PITRM1: variants seen among roughly 807,000 people sequenced by gnomAD.
PITRM1 encodes the protein pitrilysin metallopeptidase 1.
In PITRM1, 100 loss-of-function variants were observed where a neutral mutation model predicts 129.9. That is an observed-to-expected ratio of 0.77 (90% CI 0.65 to 0.91). The LOEUF is 0.91. Among genes scored for constraint, PITRM1 ranks in the 40% least tolerant of loss-of-function variants. PITRM1 has a pLI of 0.00. For synonymous variants in PITRM1, 591 were observed against 508.8 expected (o/e 1.16, Z -2.17); for missense variants, 1,471 against 1,318.3 (o/e 1.12, Z -1.79).
At chr10:3,142,676 G>C (rs1203835349) in intron 23 of PITRM1, among the ~76,000 whole-genome samples, 3 of 152,206 alleles carry the variant, frequency 2.0e-5, no homozygotes, top group Non-Finnish European at 4.4e-5. Flanking sequence ...ACGCCACTTT[G>C]GGAACAGGCC....
chr10:3,154,359 G>C (rs1841789188), intron 14 of PITRM1, among the ~76,000 whole-genome samples: 1 of 152,160 alleles, frequency 6.6e-6, no homozygotes, highest in African/African-American at 2.4e-5. Flanking sequence ...ATGTTGGCTG[G>C]CACTGTGAGA....
intron 2 of PITRM1, among the ~76,000 whole-genome samples, chr10:3,169,710 CTG>C (rs1843180432): frequency 6.6e-6 from 1 of 152,200 alleles, no homozygotes. Context: ...GCTCAGAAAA[CTG>C]AAAGGTTCTG....
chr10:3,169,023 C>G (rs1433742798), intron 2 of PITRM1, among the ~76,000 whole-genome samples: 2 of 152,054 alleles, frequency 1.3e-5, no homozygotes, highest in Non-Finnish European at 2.9e-5. Flanking sequence ...ATCGCTTGAG[C>G]CCAGGAGTTC....
At chr10:3,166,471 A>G in intron 3 of PITRM1, 91 bp from the exon 4 acceptor site, 1 of 663,146 alleles carries the variant, frequency 1.5e-6, no homozygotes, top group Non-Finnish European at 2.4e-6. Flanking sequence ...GCTACTAGAA[A>G]TCATCATTCT....
At chr10:3,142,582 T>C (rs949330975) in intron 23 of PITRM1, among the ~76,000 whole-genome samples, 2 of 152,228 alleles carry the variant, frequency 1.3e-5, no homozygotes, top group Non-Finnish European at 2.9e-5. Context: ...TTTCCCCAGA[T>C]GGGATGAACA....
In PITRM1 at chr10:3,141,902, G is replaced by A. The variant is rs904124966; in HGVS notation, c.2646-1090C>T. ...TGGGGCGCCGTCAGCCGGGACTAGC[G>A]AGGCTGGAGTCAGACCCTGGGGGAC... On this transcript the variant is annotated intron_variant, in intron 23 of 26. Coordinates refer to ENST00000224949, the MANE Select transcript of PITRM1 (RefSeq NM_014889.4). 12 of 221,774 alleles carry A rather than the reference G, an allele frequency of 5.4e-5. No homozygotes were observed. In the East Asian group the frequency reaches 9.2e-4, roughly 17 times the overall value. 13.7% of individuals were successfully genotyped at this position (221,774 alleles called of 1,614,324 possible).
intron 21 of PITRM1, 84 bp downstream of exon 21, chr10:3,145,512 G>T: frequency 8.4e-7 from 1 of 1,195,212 alleles, no homozygotes; most frequent in Non-Finnish European, 1.2e-6. Flanking sequence ...ACTGCTCTGA[G>T]AATTGAGTTA....
chr10:3,141,712 C>G (rs572834490), intron 23 of PITRM1: 27 of 466,666 alleles, frequency 5.8e-5, no homozygotes, highest in Middle Eastern at 3.2e-4. Context: ...AGCCCCAGGT[C>G]GCCGCTTCCA....
rs1459598388 is a variant in PITRM1, at chr10:3,166,917, C to G, written c.266+19G>C. On this transcript the variant is annotated intron_variant, in intron 3 of 26. Coordinates refer to ENST00000224949, the MANE Select transcript of PITRM1 (RefSeq NM_014889.4). ...AAATAAAAACATTCAAGACCATGTT[C>G]TTACAATGCACCACACACCTGAACA... 1.4e-6 allele frequency: 2 copies of G among 1,410,948 alleles called. No homozygotes were observed. The highest frequency in any genetic ancestry group is 1.4e-5 in the African/African-American group (1 of 70,542). 87.4% of individuals were successfully genotyped at this position (1,410,948 alleles called of 1,614,324 possible).
intron 7 of PITRM1, among the ~76,000 whole-genome samples, chr10:3,162,891 C>G (rs1842565515): frequency 6.6e-6 from 1 of 152,012 alleles, no homozygotes; most frequent in African/African-American, 2.4e-5. Flanking sequence ...TTGGGGCCAA[C>G]TAGAAAATCT....
At chr10:3,155,768 CA>C (rs1841926952) in intron 13 of PITRM1, 39 bp from the exon 14 acceptor site, 2 of 1,609,210 alleles carry the variant, frequency 1.2e-6, no homozygotes, top group East Asian at 4.5e-5. Context: ...CAAGTGAAAA[CA>C]AGATCTTACT....
chr10:3,169,128 GA>G lies in PITRM1; in HGVS notation c.159+975del, dbSNP rs562252310. Among the ~76,000 whole-genome samples the G allele has an allele frequency of 1.3e-4, 20 of 152,308 alleles. No homozygotes were observed. The South Asian group carries it at 3.7e-3, about 28-fold the overall frequency. ...AAGTAAATACGTTTCTATAAAATTT[GA>G]GAAATAAAGGAGGAGAATCTACCGC... On this transcript the variant is annotated intron_variant, in intron 2 of 26. Coordinates refer to ENST00000224949, the MANE Select transcript of PITRM1 (RefSeq NM_014889.4).
At chr10:3,138,465 A>T (rs1016120502) in intron 25 of PITRM1, 128 bp from the exon 26 acceptor site, 5 of 702,438 alleles carry the variant, frequency 7.1e-6, no homozygotes, top group African/African-American at 7.0e-5. Flanking sequence ...AACCACAGGG[A>T]TGTGTCTAAC....
chr10:3,147,456 A>T, intron 19 of PITRM1, 116 bp downstream of exon 19: 1 of 1,203,932 alleles, frequency 8.3e-7, no homozygotes, highest in Non-Finnish European at 1.2e-6. Context: ...CCCCATATTT[A>T]GTCAGTTAGA....
rs187836950 is a variant in PITRM1 at position 3,155,265 on chromosome 10, C to T, written c.1621+326G>A. 7.9e-5 allele frequency among the ~76,000 whole-genome samples: 12 copies of T among 152,328 alleles called. No homozygotes were observed. In the East Asian group the frequency reaches 2.1e-3, roughly 27 times the overall value. On this transcript the variant is annotated intron_variant, in intron 14 of 26. Coordinates refer to ENST00000224949, the MANE Select transcript of PITRM1 (RefSeq NM_014889.4). The stretch of plus-strand genomic sequence containing the variant: ...CCAACACACAGCTCTCAACTGTCCA[C>T]TCTGCTCACAGGCCAGGCAACACGC...
intron 7 of PITRM1, 45 bp downstream of exon 7, chr10:3,163,680 C>T (rs762830080): frequency 8.5e-5 from 130 of 1,521,722 alleles, no homozygotes; most frequent in Non-Finnish European, 1.1e-4. Context: ...ACAAACAAGT[C>T]AACTTTTCAC....
In PITRM1 at chr10:3,159,873, T is replaced by G. The variant is rs4242746; in HGVS notation, c.982A>C (p.Ile328Leu). 1.9e-6 allele frequency: 3 copies of G among 1,600,976 alleles called. No homozygotes were observed. The highest frequency in any genetic ancestry group is 2.6e-6 in the Non-Finnish European group (3 of 1,171,770). The change falls in exon 9 of 27, where the codon ATC becomes CTC. Residue 328 changes from isoleucine (I) to leucine (L), a missense_variant. Coordinates refer to ENST00000224949, the MANE Select transcript of PITRM1 (RefSeq NM_014889.4). ...FATDPSKQTT[I>L]SVSFLLPDIT... ...TCCGGTAAGAGGAAGCTAACGCTGA[T>G]GGTTGTTTGTTTAGAGGGATCTGTA...
chr10:3,138,225 C>G lies in PITRM1; in HGVS notation c.3020+10G>C. On this transcript the variant is annotated intron_variant, in intron 26 of 26. Transcript: ENST00000224949. ...AGTCCCAGACGCTGTCTCCCCCGCT[C>G]CCCACTCACCTATCGCTCACGGCCA... 6.2e-7 allele frequency: 1 copy of G among 1,606,722 alleles called. No homozygotes were observed. Among genetic ancestry groups the G allele is most frequent in the Non-Finnish European group, 8.5e-7 (1 of 1,173,262 alleles).
rs535889697 is a variant in PITRM1 at position 3,138,015 on chromosome 10, C to T, written c.*16G>A. ...GTATTGTCTCGGGCTCCTGTGCAGTCGAGCGCCACGGCTGCTCATTGGATG... is the reference window on the plus strand; with the variant it reads ...GTATTGTCTCGGGCTCCTGTGCAGTTGAGCGCCACGGCTGCTCATTGGATG... On this transcript the variant is annotated 3_prime_UTR_variant, in exon 27 of 27. Transcript: ENST00000224949. The T allele has an allele frequency of 1.6e-5, 25 of 1,517,992 alleles. No homozygotes were observed. The East Asian group carries it at 2.3e-4, about 14-fold the overall frequency. The allele number at this position is 1,517,992 out of a possible 1,614,324, so 94.0% of individuals were successfully genotyped here.
Sources: allele counts gnomAD v4.1 joint callset (sites outside exome capture counted in the v4.1 genomes callset), GRCh38; gene constraint gnomAD v4.1.1; transcripts MANE v1.5; gene names NCBI Gene and HGNC (gene_info 2026-07-23, HGNC 2026-07-21).